SLCO1B3: variants seen among roughly 807,000 people sequenced by gnomAD.
SLCO1B3 encodes the protein liver-specific organic anion transporter 2.
Under a neutral mutation model 71.8 loss-of-function variants are expected in SLCO1B3, and 72 were observed. The observed-to-expected ratio is 1.00, with a 90% CI of 0.83 to 1.22. The LOEUF is 1.22. Ranked by LOEUF, SLCO1B3 falls within the 50% of genes most tolerant of loss-of-function variation. SLCO1B3 has a pLI of 0.00. For missense variants in SLCO1B3, 911 were observed against 819.7 expected, an observed-to-expected ratio of 1.11 and a Z score of -1.36; for synonymous variants, 298 against 278.4, an observed-to-expected ratio of 1.07 and a Z score of -0.70.
rs564466893 is a variant in SLCO1B3 at position 20,869,110 on chromosome 12, G to T, written c.728-6125G>T. Among the ~76,000 whole-genome samples, 314 of 152,290 alleles carry T rather than the reference G, an allele frequency of 2.1e-3. 3 individuals carry two copies. Among genetic ancestry groups the T allele is most frequent in the African/African-American group, 7.4e-3 (307 of 41,578 alleles). On this transcript the variant is annotated intron_variant, in intron 8 of 15. Coordinates refer to ENST00000381545, the MANE Select transcript of SLCO1B3 (RefSeq NM_019844.4). The stretch of plus-strand genomic sequence containing the variant: ...CTGACTAATATCACAAGAGGTGGAG[G>T]AGCAGAGTCTTTTCTAAACTCCCCC...
intron 3 of SLCO1B3, among the ~76,000 whole-genome samples, chr12:20,839,451 A>G (rs567560376): frequency 2.0e-5 from 3 of 152,240 alleles, no homozygotes; most frequent in Admixed American, 6.5e-5. Context: ...GTTGTTTTCT[A>G]TCAATGCTTT....
At chr12:20,843,890 C>G (rs1051889301) in intron 3 of SLCO1B3, among the ~76,000 whole-genome samples, 6 of 61,208 alleles carry the variant, frequency 9.8e-5, no homozygotes, top group Non-Finnish European at 2.9e-4. Context: ...CATTGATATT[C>G]TTATCTAAAC....
intron 3 of SLCO1B3, among the ~76,000 whole-genome samples, chr12:20,818,325 T>C (rs1335071461): frequency 1.2e-4 from 18 of 152,142 alleles, no homozygotes; most frequent in Admixed American, 1.2e-3. Flanking sequence ...CTGATTTGAC[T>C]AATAAGGGCT....
At chr12:20,865,761 A>G (rs1419019425) in intron 8 of SLCO1B3, among the ~76,000 whole-genome samples, 3 of 152,144 alleles carry the variant, frequency 2.0e-5, no homozygotes, top group Non-Finnish European at 1.5e-5. Flanking sequence ...TTACTACAAT[A>G]AAATATGCAC....
At chr12:20,880,420 G>A (rs1208077881) in intron 11 of SLCO1B3, among the ~76,000 whole-genome samples, 1 of 151,588 alleles carries the variant, frequency 6.6e-6, no homozygotes, top group African/African-American at 2.4e-5. Flanking sequence ...TAGATTCAGA[G>A]GATTTTAAAG....
At chr12:20,850,623 C>CTTGA (rs2121207481) in intron 3 of SLCO1B3, among the ~76,000 whole-genome samples, 1 of 152,296 alleles carries the variant, frequency 6.6e-6, no homozygotes, top group African/African-American at 2.4e-5. Context: ...AAACATAGTA[C>CTTGA]TTGATAGGTA....
At chr12:20,830,060 C>T (rs1342391196) in intron 3 of SLCO1B3, among the ~76,000 whole-genome samples, 3 of 152,154 alleles carry the variant, frequency 2.0e-5, no homozygotes, top group Admixed American at 6.5e-5. Context: ...TCGGGGACTG[C>T]AGCCCAGTAG....
At chr12:20,825,387 T>A (rs2121107151) in intron 3 of SLCO1B3, among the ~76,000 whole-genome samples, 1 of 152,242 alleles carries the variant, frequency 6.6e-6, no homozygotes, top group African/African-American at 2.4e-5. Flanking sequence ...TGAATGCAGT[T>A]TATTTTGATT....
chr12:20,844,007 TTTTA>T (rs1408648326), intron 3 of SLCO1B3, among the ~76,000 whole-genome samples: 8 of 152,160 alleles, frequency 5.3e-5, no homozygotes, highest in African/African-American at 1.7e-4. Flanking sequence ...TGTGCATTTA[TTTTA>T]TTTTTTAAAT....
At chr12:20,898,232 TAATA>T (rs567443728) in intron 13 of SLCO1B3, among the ~76,000 whole-genome samples, 200 bp from the exon 14 acceptor site, 36 of 152,286 alleles carry the variant, frequency 2.4e-4, no homozygotes, top group African/African-American at 7.0e-4. Flanking sequence ...ATAAAGCATT[TAATA>T]AATAAAGAAA....
At chr12:20,862,587 G>T in intron 7 of SLCO1B3, 29 bp downstream of exon 7, 1 of 1,563,330 alleles carries the variant, frequency 6.4e-7, no homozygotes, top group African/African-American at 1.4e-5. Flanking sequence ...TAAATTTCAT[G>T]ATTACATTCC....
At chr12:20,827,869 C>G (rs1864460522) in intron 3 of SLCO1B3, among the ~76,000 whole-genome samples, 1 of 152,004 alleles carries the variant, frequency 6.6e-6, no homozygotes, top group Admixed American at 6.6e-5. Context: ...TGCACAAGCT[C>G]CAATTTCTTA....
intron 15 of SLCO1B3, among the ~76,000 whole-genome samples, chr12:20,914,331 A>G (rs1485082697): frequency 6.6e-6 from 1 of 152,096 alleles, no homozygotes; most frequent in African/African-American, 2.4e-5. Context: ...ATATACATTT[A>G]GAACTAATCC....
chr12:20,847,418 A>G (rs1165589839), intron 3 of SLCO1B3, among the ~76,000 whole-genome samples: 2 of 151,988 alleles, frequency 1.3e-5, no homozygotes, highest in East Asian at 3.9e-4. Context: ...AGCCAACTAA[A>G]TTTTTCCCTC....
In SLCO1B3 at chr12:20,916,048, T is replaced by C. The variant is rs757955904; in HGVS notation, c.1910T>C (p.Leu637Pro). 10 of 1,610,524 alleles carry C rather than the reference T, an allele frequency of 6.2e-6. No homozygotes were observed. Among genetic ancestry groups the C allele is most frequent in the Non-Finnish European group, 3.4e-6 (4 of 1,177,130 alleles). ...TCTATAGCTTTAAGATTCCCAGCACTTGTTTTATATATTGTTTTCATTTTT... is the reference window on the plus strand; with the variant it reads ...TCTATAGCTTTAAGATTCCCAGCACCTGTTTTATATATTGTTTTCATTTTT... ...GLSIALRFPALVLYIVFIFAM... is the reference protein window; with the variant it reads ...GLSIALRFPAPVLYIVFIFAM... The change falls in exon 16 of 16, where the codon CTT (leucine) becomes CCT (proline). Residue 637 changes from leucine to proline, a missense_variant. By Grantham distance (98) the Leu-to-Pro change is moderately conservative. Coordinates refer to ENST00000381545, the MANE Select transcript of SLCO1B3 (RefSeq NM_019844.4).
At chr12:20,829,715 TAGCTATTCC>T (rs1864499716) in intron 3 of SLCO1B3, among the ~76,000 whole-genome samples, 1 of 152,116 alleles carries the variant, frequency 6.6e-6, no homozygotes, top group African/African-American at 2.4e-5. Context: ...AATAAAAGAA[TAGCTATTCC>T]ATAGAGAGAG....
chr12:20,821,754 G>A (rs974835305), intron 3 of SLCO1B3, among the ~76,000 whole-genome samples: 2 of 152,142 alleles, frequency 1.3e-5, no homozygotes, highest in East Asian at 1.9e-4. Context: ...AAGGACCAAG[G>A]CAGGCATCCC....
chr12:20,838,247 G>C (rs1248074551), intron 3 of SLCO1B3, among the ~76,000 whole-genome samples: 3 of 151,356 alleles, frequency 2.0e-5, no homozygotes, highest in Non-Finnish European at 4.4e-5. Context: ...GAAGTTTGCT[G>C]TGTCTAAAAT....
chr12:20,861,967 A>C (rs1865275471), intron 6 of SLCO1B3, among the ~76,000 whole-genome samples: 1 of 152,148 alleles, frequency 6.6e-6, no homozygotes, highest in African/African-American at 2.4e-5. Context: ...GTAACGACAA[A>C]AGAAGAGATT....
Sources: allele counts gnomAD v4.1 joint callset (sites outside exome capture counted in the v4.1 genomes callset), GRCh38; gene constraint gnomAD v4.1.1; transcripts MANE v1.5; gene names NCBI Gene and HGNC (gene_info 2026-07-23, HGNC 2026-07-21).